Variants in LRRC17 observed in about 807,000 individuals in gnomAD.
The protein encoded by LRRC17 is leucine rich repeat containing 17.
In LRRC17, 33 loss-of-function variants were observed where a neutral mutation model predicts 41.5. The observed-to-expected ratio is 0.80, with a 90% CI of 0.60 to 1.06. The LOEUF (loss-of-function observed/expected upper bound fraction) is 1.06. LRRC17 is among the 50% of genes least tolerant of loss of function. The pLI is 0.00. For synonymous variants in LRRC17, 192 were observed against 197.0 expected (o/e 0.97, Z 0.21); for missense variants, 491 against 519.3 (o/e 0.95, Z 0.53).
Position 102,944,362 on chromosome 7 carries a change from C to CA in LRRC17, c.1081_1082insA (p.Leu361HisfsTer14), listed in dbSNP as rs1822057354. 6.2e-7 allele frequency: 1 copy of CA among 1,614,054 alleles called. No homozygotes were observed. Among genetic ancestry groups the CA allele is most frequent in the Admixed American group, 1.7e-5 (1 of 60,010 alleles). ...GAGATGTGACTACAACATTCACTAC[C>CA]TCTACTACTGGTTAAAGCACCACTA... On this transcript the variant is annotated frameshift_variant, in exon 4 of 4. Coordinates refer to ENST00000339431, the MANE Select transcript of LRRC17 (RefSeq NM_001031692.3). LOFTEE classifies it high-confidence loss of function.
In LRRC17 at chr7:102,913,177, C is replaced by T; in HGVS notation, c.-141+32C>T. Reference sequence around the variant, plus strand: ...TAAGCCTTTGTCTGTGAACCGTCTGCAATAAGCCAAACTAAGATTCTGTAA... The same window carrying T: ...TAAGCCTTTGTCTGTGAACCGTCTGTAATAAGCCAAACTAAGATTCTGTAA... On this transcript the variant is annotated intron_variant, in intron 1 of 3. Coordinates refer to ENST00000339431, the MANE Select transcript of LRRC17 (RefSeq NM_001031692.3). The T allele has an allele frequency of 1.9e-6, 3 of 1,614,080 alleles. No homozygotes were observed. The East Asian group carries it at 6.7e-5, about 36-fold the overall frequency.
intron 2 of LRRC17, among the ~76,000 whole-genome samples, chr7:102,938,751 T>G (rs191347829): frequency 2.6e-5 from 4 of 152,238 alleles, no homozygotes; most frequent in African/African-American, 9.6e-5. Context: ...TCATTGAAGT[T>G]CTAAGGTAAA....
At chr7:102,926,341 G>C in intron 1 of LRRC17, 1 of 1,613,862 alleles carries the variant, frequency 6.2e-7, no homozygotes, top group South Asian at 1.1e-5. Flanking sequence ...AGGACCCCCG[G>C]GCAGCCCTCA....
intron 1 of LRRC17, among the ~76,000 whole-genome samples, chr7:102,930,649 T>C (rs1205585408): frequency 6.6e-6 from 1 of 152,248 alleles, no homozygotes; most frequent in Non-Finnish European, 1.5e-5. Flanking sequence ...CATTTTGTGA[T>C]ACCTCTTCAT....
rs537964791 is a variant in LRRC17 at position 102,915,368 on chromosome 7, T to C, written c.-141+2223T>C. On this transcript the variant is annotated intron_variant, in intron 1 of 3. Transcript: ENST00000339431. The stretch of plus-strand genomic sequence containing the variant: ...TTATTGCTACTACTATGTGAAATGA[T>C]AGTAACACATTAACTATTTTTATGG... 7.2e-5 allele frequency among the ~76,000 whole-genome samples: 11 copies of C among 152,294 alleles called. No individual in the cohort carries two copies. In the South Asian group the frequency reaches 2.3e-3, roughly 32 times the overall value.
At chr7:102,913,545 G>C (rs1815193943) in intron 1 of LRRC17, among the ~76,000 whole-genome samples, 1 of 152,176 alleles carries the variant, frequency 6.6e-6, no homozygotes, top group South Asian at 2.1e-4. Context: ...TTGTTTGGAA[G>C]TGAAACCAAA....
chr7:102,940,739 C>T (rs916548510), intron 3 of LRRC17, among the ~76,000 whole-genome samples: 64 of 152,172 alleles, frequency 4.2e-4, no homozygotes, highest in African/African-American at 1.5e-3. Flanking sequence ...AAGCCTCTGG[C>T]GAAAATGAGC....
intron 1 of LRRC17, among the ~76,000 whole-genome samples, chr7:102,921,962 G>GGGT: frequency 6.6e-6 from 1 of 152,170 alleles, no homozygotes; most frequent in South Asian, 2.1e-4. Context: ...AGGCCAAGGT[G>GGGT]GGTGGATCAC....
chr7:102,935,242 C>CTTTTTTTTT (rs71106700), intron 2 of LRRC17, among the ~76,000 whole-genome samples: 3 of 76,402 alleles, frequency 3.9e-5, no homozygotes, highest in African/African-American at 5.8e-5. Context: ...TTTTTTCTTT[C>CTTTTTTTTT]TTTTTTTTTT....
At position 102,944,810 on chromosome 7, in the gene LRRC17, C is replaced by G. The variant is rs1042092821; in HGVS notation, c.*203C>G. The G allele has an allele frequency of 6.1e-5, 31 of 507,110 alleles. No homozygotes were observed. The highest frequency in any genetic ancestry group is 6.1e-4 in the African/African-American group (31 of 51,098). The allele number at this position is 507,110 out of a possible 1,614,324, so 31.4% of individuals were successfully genotyped here. The stretch of plus-strand genomic sequence containing the variant: ...CCTGCTTGCCTGTCCATTTGTGGAA[C>G]AGCATCTGGTGATATGCAATTCCAC... On this transcript the variant is annotated 3_prime_UTR_variant, in exon 4 of 4. Transcript: ENST00000339431.
At chr7:102,928,941 C>A in intron 1 of LRRC17, among the ~76,000 whole-genome samples, 1 of 152,280 alleles carries the variant, frequency 6.6e-6, no homozygotes, top group East Asian at 1.9e-4. Context: ...TCTGTCTATG[C>A]CTCCATTTCT....
intron 3 of LRRC17, among the ~76,000 whole-genome samples, chr7:102,942,519 A>G (rs1821660522): frequency 6.6e-6 from 1 of 152,248 alleles, no homozygotes. Flanking sequence ...TATATGGTTT[A>G]AATAACAATA....
At chr7:102,920,465 T>G (rs1816760644) in intron 1 of LRRC17, among the ~76,000 whole-genome samples, 1 of 151,988 alleles carries the variant, frequency 6.6e-6, no homozygotes, top group Non-Finnish European at 1.5e-5. Flanking sequence ...TCCTCCCACC[T>G]CAGCCTCCTG....
intron 2 of LRRC17, among the ~76,000 whole-genome samples, chr7:102,937,499 T>C (rs1245311583): frequency 1.2e-5 from 1 of 86,840 alleles, no homozygotes; most frequent in South Asian, 4.9e-4. Flanking sequence ...AGAGCAAGAC[T>C]CTGTCTCAAA....
In LRRC17 at chr7:102,913,005, T is replaced by C; in HGVS notation, c.-281T>C. 1 of 1,586,360 alleles carries C rather than the reference T, an allele frequency of 6.3e-7. No individual in the cohort carries two copies. Among genetic ancestry groups the C allele is most frequent in the South Asian group, 1.1e-5 (1 of 88,988 alleles). On this transcript the variant is annotated 5_prime_UTR_variant, in exon 1 of 4. Transcript: ENST00000339431. ...TGCTGCGGTCCGTGCACAGCATTAG[T>C]ATAACGTGAGGGCTGAATGCAGCCC...
In LRRC17 at chr7:102,913,147, T is replaced by C; in HGVS notation, c.-141+2T>C. 2 of 1,614,166 alleles carry C rather than the reference T, an allele frequency of 1.2e-6. No homozygotes were observed. The highest frequency in any genetic ancestry group is 1.7e-6 in the Non-Finnish European group (2 of 1,180,032). On this transcript the variant is annotated splice_donor_variant, in intron 1 of 3. Coordinates refer to ENST00000339431, the MANE Select transcript of LRRC17 (RefSeq NM_001031692.3). LOFTEE classifies it low-confidence loss of function (5UTR_SPLICE). The stretch of plus-strand genomic sequence containing the variant: ...GTGGCATCCATTCCCCAAGTTCAGG[T>C]ACTGTAAGCCTTTGTCTGTGAACCG...
intron 1 of LRRC17, 116 bp downstream of exon 1, chr7:102,913,261 T>G: frequency 2.5e-6 from 4 of 1,609,306 alleles, no homozygotes; most frequent in Non-Finnish European, 2.5e-6. Context: ...CTTCCGTTGT[T>G]CTCTCAAATC....
chr7:102,916,559 C>T (rs1272618979), intron 1 of LRRC17, among the ~76,000 whole-genome samples: 1 of 152,160 alleles, frequency 6.6e-6, no homozygotes, highest in Non-Finnish European at 1.5e-5. Context: ...AGACTTAAAG[C>T]TGCTAGGGAC....
chr7:102,942,459 T>TAAAA, intron 3 of LRRC17: 1 of 794,976 alleles, frequency 1.3e-6, no homozygotes, highest in Non-Finnish European at 1.9e-6. Context: ...AGGGGGTTTT[T>TAAAA]ACCTCCTTTA....
Sources: gnomAD v4.1 joint callset for allele counts (sites outside exome capture counted in the v4.1 genomes callset) on GRCh38, gnomAD v4.1.1 for gene constraint, MANE v1.5 for transcripts, NCBI Gene and HGNC (gene_info 2026-07-23, HGNC 2026-07-21) for gene names.